CACNA2D4: variants seen among roughly 807,000 people sequenced by gnomAD.
CACNA2D4 encodes the protein calcium voltage-gated channel auxiliary subunit alpha2delta 4, also known as voltage-dependent calcium channel subunit alpha-2/delta-4.
A neutral mutation model predicts 163.8 loss-of-function variants in CACNA2D4; 157 were observed. The observed-to-expected ratio is 0.96, with a 90% CI of 0.84 to 1.09. The LOEUF is 1.09. CACNA2D4 is among the 50% of genes least tolerant of loss of function. CACNA2D4 has a pLI of 0.00. For missense variants in CACNA2D4, 1,410 were observed against 1,479.9 expected (o/e 0.95, Z 0.78); for synonymous variants, 598 against 586.9 (o/e 1.02, Z -0.27).
At chr12:1,899,925 A>G (rs1469669615) in intron 6 of CACNA2D4, among the ~76,000 whole-genome samples, 1 of 152,214 alleles carries the variant, frequency 6.6e-6, no homozygotes. Context: ...AATTTACTAT[A>G]ATCAAGTTAG....
intron 2 of CACNA2D4, 41 bp from the exon 3 acceptor site, chr12:1,913,180 G>T (rs771562278): frequency 1.7e-5 from 24 of 1,395,368 alleles, no homozygotes; most frequent in Non-Finnish European, 2.2e-5. Flanking sequence ...ATGTGGTTTT[G>T]TACCAGGATA....
At chr12:1,845,195 G>A (rs1211912813) in intron 24 of CACNA2D4, among the ~76,000 whole-genome samples, 1 of 152,184 alleles carries the variant, frequency 6.6e-6, no homozygotes, top group Non-Finnish European at 1.5e-5. Flanking sequence ...TTGTGACACA[G>A]TTCCTGGGCT....
chr12:1,912,124 G>A (rs962320261), intron 3 of CACNA2D4, among the ~76,000 whole-genome samples: 5 of 152,234 alleles, frequency 3.3e-5, no homozygotes, highest in Non-Finnish European at 5.9e-5. Context: ...TGGAGAGGCC[G>A]CAGCTCGCCT....
intron 26 of CACNA2D4, among the ~76,000 whole-genome samples, chr12:1,824,986 C>T (rs1027491205): frequency 2.0e-5 from 3 of 152,236 alleles, no homozygotes; most frequent in African/African-American, 7.2e-5. Context: ...TAAGAGAGCA[C>T]AGGGCATATC....
chr12:1,797,750 C>T lies in CACNA2D4; in HGVS notation c.2996-215G>A. The T allele has an allele frequency of 5.0e-6, 3 of 597,828 alleles. 1 individual carries two copies. The South Asian group carries it at 5.8e-5, about 12-fold the overall frequency. 37.0% of individuals were successfully genotyped at this position (597,828 alleles called of 1,614,324 possible). A position where few individuals can be genotyped will look rare whatever the true frequency, so the allele number is the denominator to read the frequency against. On this transcript the variant is annotated intron_variant, in intron 34 of 37. Transcript: ENST00000382722. ...AGAGGGTGGCTTGGCACGGGGAGCG[C>T]CGCAGGGGCCCTGAGCCTCGGTGGA...
rs374494829 is a variant in CACNA2D4, at chr12:1,918,647, G to A, written c.-174C>T. 396 of 578,518 alleles carry A rather than the reference G, an allele frequency of 6.8e-4. 3 individuals are homozygous for A. The African/African-American group carries it at 7.1e-3, about 10-fold the overall frequency. The allele number at this position is 578,518 out of a possible 1,614,324, so 35.8% of individuals were successfully genotyped here. On this transcript the variant is annotated 5_prime_UTR_variant, in exon 1 of 38. Coordinates refer to ENST00000382722, the MANE Select transcript of CACNA2D4 (RefSeq NM_172364.5). Reference sequence around the variant, plus strand: ...ACCTAGCAAGCAGGCCTCGGAGACAGGGACTGGGGGAGAGGCTGTGGCAAC... The same window carrying A: ...ACCTAGCAAGCAGGCCTCGGAGACAAGGACTGGGGGAGAGGCTGTGGCAAC...
chr12:1,800,285 G>A, intron 32 of CACNA2D4, 101 bp downstream of exon 32: 1 of 1,311,826 alleles, frequency 7.6e-7, no homozygotes, highest in East Asian at 2.4e-5. Flanking sequence ...CTGGTAGCAA[G>A]TGGGTTGTCC....
intron 23 of CACNA2D4, among the ~76,000 whole-genome samples, chr12:1,848,888 G>A (rs1048013542): frequency 1.8e-4 from 27 of 152,138 alleles, no homozygotes; most frequent in Non-Finnish European, 5.9e-5. Flanking sequence ...GATAACAGCC[G>A]TGCCTCCACA....
chr12:1,896,647 ACACAC>A (rs1565734755), intron 6 of CACNA2D4, among the ~76,000 whole-genome samples: 4 of 148,178 alleles, frequency 2.7e-5, no homozygotes, highest in African/African-American at 5.2e-5. Flanking sequence ...ACACACACAC[ACACAC>A]ACAAAACAGA....
chr12:1,846,780 C>T, intron 23 of CACNA2D4, 91 bp from the exon 24 acceptor site: 1 of 1,025,602 alleles, frequency 9.8e-7, no homozygotes, highest in Non-Finnish European at 1.5e-6. Flanking sequence ...TCTCCTTGCT[C>T]CTGCCTGGCC....
Position 1,834,645 on chromosome 12 carries a change from T to A in CACNA2D4, c.2551+6094A>T. 6.2e-7 allele frequency: 1 copy of A among 1,600,272 alleles called. No individual in the cohort carries two copies. Reference sequence around the variant, plus strand: ...CTCATGGCCAAGTACCACCGGGAGCTCAAAAAGCGCCAGCCCCTGATGGGG... The same window carrying A: ...CTCATGGCCAAGTACCACCGGGAGCACAAAAAGCGCCAGCCCCTGATGGGG... On this transcript the variant is annotated intron_variant, in intron 26 of 37. Transcript: ENST00000382722. The surrounding 1 kb of genome is among the most constrained non-coding windows in gnomAD (Gnocchi z 7.6).
intron 26 of CACNA2D4, among the ~76,000 whole-genome samples, chr12:1,838,257 C>T (rs529923889): frequency 2.2e-4 from 33 of 152,252 alleles, no homozygotes; most frequent in East Asian, 9.7e-4. Flanking sequence ...GGCAGTGACG[C>T]GCAGCCCGCC....
chr12:1,916,441 G>C (rs1166005599), intron 1 of CACNA2D4, among the ~76,000 whole-genome samples: 1 of 152,172 alleles, frequency 6.6e-6, no homozygotes, highest in Admixed American at 6.5e-5. Flanking sequence ...TAGAGACAGG[G>C]CTGGGAGTCA....
At chr12:1,907,638 G>A in intron 5 of CACNA2D4, 67 bp from the exon 6 acceptor site, 2 of 1,468,774 alleles carry the variant, frequency 1.4e-6, no homozygotes, top group Non-Finnish European at 1.9e-6. Context: ...CATGCCCGGT[G>A]AGGGTGCCTG....
chr12:1,864,737 G>A (rs1201619685), intron 18 of CACNA2D4, among the ~76,000 whole-genome samples: 1 of 152,214 alleles, frequency 6.6e-6, no homozygotes, highest in Non-Finnish European at 1.5e-5. Flanking sequence ...TGAAAGCCTG[G>A]CCCCACACTG....
rs1336321991 is a variant in CACNA2D4, at chr12:1,793,385, G to T, written c.*270C>A. ...GCTCACGCTGGCTTCCCGAAGAGGAGACAGGAAGGTTAGGTCAGAAGTATG... is the reference window on the plus strand; with the variant it reads ...GCTCACGCTGGCTTCCCGAAGAGGATACAGGAAGGTTAGGTCAGAAGTATG... On this transcript the variant is annotated 3_prime_UTR_variant, in exon 38 of 38. Coordinates refer to ENST00000382722, the MANE Select transcript of CACNA2D4 (RefSeq NM_172364.5). The T allele has an allele frequency of 5.6e-6, 3 of 536,526 alleles. No homozygotes were observed. Among genetic ancestry groups the T allele is most frequent in the Non-Finnish European group, 1.0e-5 (3 of 298,976 alleles). The allele number at this position is 536,526 out of a possible 1,614,324, so 33.2% of individuals were successfully genotyped here. A position where few individuals can be genotyped will look rare whatever the true frequency, so the allele number is the denominator to read the frequency against.
intron 26 of CACNA2D4, among the ~76,000 whole-genome samples, chr12:1,830,769 G>C (rs1309833899): frequency 6.6e-6 from 1 of 152,242 alleles, no homozygotes; most frequent in Non-Finnish European, 1.5e-5. Flanking sequence ...CTTTGGATTT[G>C]TTAATTATGC....
At chr12:1,890,769 TCCAGTG>T (rs1195690711) in intron 6 of CACNA2D4, among the ~76,000 whole-genome samples, 1 of 152,054 alleles carries the variant, frequency 6.6e-6, no homozygotes, top group Non-Finnish European at 1.5e-5. Flanking sequence ...GTTCCCCCCA[TCCAGTG>T]CCAGTATCCT....
At position 1,907,886 on chromosome 12, in the gene CACNA2D4, A is replaced by T; in HGVS notation, c.638T>A (p.Val213Glu). The T allele has an allele frequency of 6.2e-7, 1 of 1,613,932 alleles. No homozygotes were observed. The highest frequency in any genetic ancestry group is 8.5e-7 in the Non-Finnish European group (1 of 1,179,860). The part of the protein sequence containing the change: ...SISSVQLPTN[V>E]YNKDPDILNG... ...AGCGTGCCGGCTACCTTTGTTGTAC[A>T]CGTTGGTGGGCAGCTGCACGCTGCT... The change falls in exon 5 of 38, where the codon GTG (valine) becomes GAG (glutamate). Residue 213 changes from valine to glutamate, a missense_variant. Transcript: ENST00000382722.
Sources: allele counts gnomAD v4.1 joint callset (sites outside exome capture counted in the v4.1 genomes callset), GRCh38; gene constraint gnomAD v4.1.1; non-coding constraint Gnocchi (gnomAD v3.1); transcripts MANE v1.5; gene names NCBI Gene and HGNC (gene_info 2026-07-23, HGNC 2026-07-21).